DFFB: variants seen among roughly 807,000 people sequenced by gnomAD.
The protein encoded by DFFB is DNA fragmentation factor 40 kDa subunit.
A neutral mutation model predicts 32.7 loss-of-function variants in DFFB; 29 were observed. The observed-to-expected ratio is 0.89, with a 90% CI of 0.66 to 1.21. The LOEUF (loss-of-function observed/expected upper bound fraction) is 1.21. Among genes scored for constraint, DFFB ranks in the 50% most tolerant of loss-of-function variants. DFFB has a pLI of 0.00. For missense variants in DFFB, 398 were observed against 440.6 expected (o/e 0.90, Z 0.87); for synonymous variants, 170 against 177.1 (o/e 0.96, Z 0.32).
At chr1:3,859,903 G>T in intron 2 of DFFB, among the ~76,000 whole-genome samples, 1 of 152,142 alleles carries the variant, frequency 6.6e-6, no homozygotes, top group South Asian at 2.1e-4. Flanking sequence ...AGCAGAGCAC[G>T]TTGCTCTCTC....
intron 6 of DFFB, among the ~76,000 whole-genome samples, chr1:3,877,026 C>T (rs529602179): frequency 1.3e-5 from 2 of 152,230 alleles, no homozygotes; most frequent in Non-Finnish European, 2.9e-5. Flanking sequence ...GCGGGTGGGG[C>T]CTGGAAAGCT....
At chr1:3,858,918 C>A (rs1644821874) in intron 2 of DFFB, 74 bp downstream of exon 2, 1 of 1,580,772 alleles carries the variant, frequency 6.3e-7, no homozygotes, top group Non-Finnish European at 8.6e-7. Flanking sequence ...GCTCCAGGTG[C>A]CCATCAGGGT....
chr1:3,864,277 A>C (rs1644933277), intron 2 of DFFB, among the ~76,000 whole-genome samples: 1 of 151,648 alleles, frequency 6.6e-6, no homozygotes. Flanking sequence ...TGAATTGTAC[A>C]CTTTAAATGG....
intron 2 of DFFB, among the ~76,000 whole-genome samples, chr1:3,861,649 A>G (rs1470132709): frequency 2.6e-5 from 4 of 152,162 alleles, no homozygotes; most frequent in Non-Finnish European, 5.9e-5. Context: ...GGTGGCCTAT[A>G]ACTCCTAGGC....
chr1:3,872,131 T>A (rs1413360211), intron 5 of DFFB, among the ~76,000 whole-genome samples: 2 of 152,180 alleles, frequency 1.3e-5, no homozygotes, highest in Non-Finnish European at 1.5e-5. Context: ...GACTCACTTC[T>A]GGCCGGGCGC....
Position 3,868,015 on chromosome 1 carries a change from T to TA in DFFB, c.473dup (p.Tyr158Ter). Residue 158 changes from tyrosine (Y) to a stop codon, truncating the protein, a stop_gained and frameshift_variant, in exon 4 of 7, where the codon TAC (tyrosine) becomes TAAC (stop). Transcript: ENST00000378209. LOFTEE classifies it high-confidence loss of function. ...RFQSKSGYLRYSCESRIRSYL... is the reference protein window; with the variant it reads ...RFQSKSGYLR The stretch of plus-strand genomic sequence containing the variant: ...TCAGAGCAAGTCTGGCTATCTGAGA[T>TA]ACAGCTGTGAGAGCCGGATCCGGAG... The TA allele has an allele frequency of 6.2e-7, 1 of 1,614,132 alleles. No homozygotes were observed. The highest frequency in any genetic ancestry group is 8.5e-7 in the Non-Finnish European group (1 of 1,180,000).
chr1:3,870,400 C>T (rs745643209), intron 5 of DFFB, among the ~76,000 whole-genome samples: 2 of 151,064 alleles, frequency 1.3e-5, no homozygotes, highest in African/African-American at 4.8e-5. Context: ...GCATGGCCTG[C>T]GGTGCTTCTT....
chr1:3,883,410 G>T, intron 6 of DFFB, 97 bp from the exon 7 acceptor site: 1 of 1,163,904 alleles, frequency 8.6e-7, no homozygotes, highest in East Asian at 2.5e-5. Flanking sequence ...AGCACTTAGG[G>T]GAATTTGTGA....
intron 4 of DFFB, 125 bp from the exon 5 acceptor site, chr1:3,869,480 C>A: frequency 9.9e-7 from 1 of 1,009,652 alleles, no homozygotes; most frequent in Non-Finnish European, 1.5e-6. Context: ...TGAACTCAGA[C>A]CCTCTGACCA....
At chr1:3,862,332 G>A (rs1180534051) in intron 2 of DFFB, among the ~76,000 whole-genome samples, 1 of 152,190 alleles carries the variant, frequency 6.6e-6, no homozygotes, top group African/African-American at 2.4e-5. Context: ...GAAAATTCCA[G>A]CTGGTTTCAT....
rs12129902 is a variant in DFFB at position 3,860,425 on chromosome 1, C to G, written c.241+1581C>G. The G allele has an allele frequency of 1.1e-5, 5 of 441,480 alleles. No homozygotes were observed. In the East Asian group the frequency reaches 3.6e-4, roughly 32 times the overall value. 27.3% of individuals were successfully genotyped at this position (441,480 alleles called of 1,614,324 possible). On this transcript the variant is annotated intron_variant, in intron 2 of 6. Transcript: ENST00000378209. ...TGTATTTTTTGTAGAGATAGGGTTT[C>G]GCCATGTTTCCCAGGATAGTCTCAC...
At chr1:3,875,660 G>A (rs57783663) in intron 6 of DFFB, among the ~76,000 whole-genome samples, 21,452 of 152,120 alleles carry the variant, frequency 0.14, 1,516 homozygotes, top group South Asian at 0.17. Context: ...GTCTGTGGCC[G>A]CTTGTGTCTT....
chr1:3,873,229 C>T (rs1313587184), intron 6 of DFFB: 1 of 167,064 alleles, frequency 6.0e-6, no homozygotes, highest in Non-Finnish European at 1.3e-5. Flanking sequence ...CGTACGAGCT[C>T]TATGGCTCTA....
At position 3,872,464 on chromosome 1, in the gene DFFB, G is replaced by C; in HGVS notation, c.682-8G>C. On this transcript the variant is annotated splice_polypyrimidine_tract_variant and splice_region_variant and intron_variant, in intron 5 of 6. Transcript: ENST00000378209. ...TCTGGCCTTCCCTCATTGTCTTTTG[G>C]CCCCCAGGGTCCCTTTGACATGGAC... The C allele has an allele frequency of 6.2e-7, 1 of 1,609,884 alleles. No individual in the cohort carries two copies. Among genetic ancestry groups the C allele is most frequent in the Non-Finnish European group, 8.5e-7 (1 of 1,176,848 alleles).
chr1:3,880,554 C>T (rs147629990), intron 6 of DFFB, among the ~76,000 whole-genome samples: 21 of 152,298 alleles, frequency 1.4e-4, no homozygotes, highest in Non-Finnish European at 2.8e-4. Flanking sequence ...AGCCCTCTGC[C>T]GCTGCTGGGT....
Position 3,858,839 on chromosome 1 carries a change from A to G in DFFB, c.236A>G (p.Gln79Arg). 1.2e-6 allele frequency: 2 copies of G among 1,613,516 alleles called. No individual in the cohort carries two copies. The highest frequency in any genetic ancestry group is 2.2e-5 in the East Asian group (1 of 44,846). The change falls in exon 2 of 7, where the codon CAG (glutamine) becomes CGG (arginine). Residue 79 changes from glutamine to arginine, a missense_variant. Transcript: ENST00000378209. Reference protein sequence around the residue: ...LVLLTLGQAWQGYVSDIRRFL... With the variant: ...LVLLTLGQAWRGYVSDIRRFL... ...CTGCTCACCTTGGGCCAGGCCTGGC[A>G]GGGCTGTGAGTGGCAAGGACTTTGG...
chr1:3,882,142 T>G (rs757953349), intron 6 of DFFB, among the ~76,000 whole-genome samples: 7 of 152,044 alleles, frequency 4.6e-5, no homozygotes, highest in Non-Finnish European at 1.0e-4. Context: ...CTCCGCCTCC[T>G]GGGTTCAAGT....
At position 3,865,580 on chromosome 1, in the gene DFFB, C is replaced by T. The variant is rs182969281; in HGVS notation, c.242-232C>T. The T allele has an allele frequency of 3.1e-4, 206 of 663,040 alleles. 1 individual carries two copies. The highest frequency in any genetic ancestry group is 4.5e-4 in the Non-Finnish European group (165 of 367,846). The allele number at this position is 663,040 out of a possible 1,614,324, so 41.1% of individuals were successfully genotyped here. ...GTCTCTTGGTGCGCTTTCATCTGTC[C>T]TCTAAAGCACACCCTGCCCCTCCCT... On this transcript the variant is annotated intron_variant, in intron 2 of 6. Coordinates refer to ENST00000378209, the MANE Select transcript of DFFB (RefSeq NM_004402.4). The surrounding 1 kb of genome is among the most constrained non-coding windows in gnomAD (Gnocchi z 4.7).
At position 3,869,688 on chromosome 1, in the gene DFFB, G is replaced by C; in HGVS notation, c.594G>C (p.Arg198=). The C allele has an allele frequency of 1.2e-6, 2 of 1,613,522 alleles. No homozygotes were observed. The highest frequency in any genetic ancestry group is 1.7e-6 in the Non-Finnish European group (2 of 1,179,894). ...RVLGSMCQRL[R]SMQYNGSYFD... Reference sequence around the variant, plus strand: ...TCGGCTCCATGTGCCAGAGGCTCCGGTCCATGCAGTACAATGGCAGCTACT... The same window carrying C: ...TCGGCTCCATGTGCCAGAGGCTCCGCTCCATGCAGTACAATGGCAGCTACT... Residue 198 remains arginine, a synonymous_variant, in exon 5 of 7, where the codon CGG becomes CGC. Transcript: ENST00000378209.
Sources: gnomAD v4.1 joint callset for allele counts (sites outside exome capture counted in the v4.1 genomes callset) on GRCh38, gnomAD v4.1.1 for gene constraint, Gnocchi (gnomAD v3.1) non-coding constraint, MANE v1.5 for transcripts, NCBI Gene and HGNC (gene_info 2026-07-23, HGNC 2026-07-21) for gene names.